Variants in VPS53 observed in about 807,000 individuals in gnomAD.
The protein encoded by VPS53 is VPS53 subunit of GARP complex, also known as vacuolar protein sorting-associated protein 53 homolog.
Under a neutral mutation model 107.0 loss-of-function variants are expected in VPS53, and 70 were observed. The observed-to-expected ratio is 0.65, with a 90% confidence interval of 0.54 to 0.80. The LOEUF (loss-of-function observed/expected upper bound fraction) is 0.80. Ranked by LOEUF, VPS53 falls within the 30% of genes least tolerant of loss-of-function variation. The pLI is 0.00. For synonymous variants in VPS53, 409 were observed against 393.3 expected (o/e 1.04, Z -0.47); for missense variants, 917 against 1,049.4 (o/e 0.87, Z 1.74).
At chr17:604,739 C>T (rs1052226282) in intron 11 of VPS53, among the ~76,000 whole-genome samples, 4 of 152,182 alleles carry the variant, frequency 2.6e-5, no homozygotes, top group African/African-American at 7.2e-5. Flanking sequence ...CCACCATGCC[C>T]GTCCTCTATT....
intron 4 of VPS53, among the ~76,000 whole-genome samples, chr17:693,452 T>C (rs1972842217): frequency 6.6e-6 from 1 of 152,138 alleles, no homozygotes; most frequent in South Asian, 2.1e-4. Flanking sequence ...TAATAATAAG[T>C]GTCTCATGCC....
At chr17:588,867 T>C (rs1247408503) in intron 12 of VPS53, among the ~76,000 whole-genome samples, 1 of 152,180 alleles carries the variant, frequency 6.6e-6, no homozygotes, top group Non-Finnish European at 1.5e-5. Flanking sequence ...AGGATGAGGA[T>C]TGTGAGGGGT....
intron 2 of VPS53, among the ~76,000 whole-genome samples, chr17:709,187 C>T (rs955933916): frequency 4.0e-5 from 5 of 126,068 alleles, no homozygotes; most frequent in Admixed American, 7.8e-5. Flanking sequence ...CGGCGCATCA[C>T]GCTCTGTCAC....
chr17:688,478 G>A (rs893451840), intron 4 of VPS53, among the ~76,000 whole-genome samples: 6 of 152,120 alleles, frequency 3.9e-5, no homozygotes, highest in African/African-American at 1.2e-4. Flanking sequence ...GTGTGAGAAC[G>A]GACTAATACA....
chr17:571,508 C>A (rs948472452), intron 13 of VPS53, among the ~76,000 whole-genome samples: 5 of 58,610 alleles, frequency 8.5e-5, no homozygotes, highest in Non-Finnish European at 1.6e-4. Context: ...CCTCTCCCTA[C>A]AGTCTCCCTC....
At chr17:714,000 G>GT (rs1973745302) in intron 1 of VPS53, 1 of 148,442 alleles carries the variant, frequency 6.7e-6, no homozygotes, top group African/African-American at 2.5e-5. Context: ...AGCCGAGATC[G>GT]TGCCGTTGCA....
chr17:522,436 C>T (rs1253252418), intron 19 of VPS53, among the ~76,000 whole-genome samples: 2 of 152,200 alleles, frequency 1.3e-5, no homozygotes, highest in African/African-American at 2.4e-5. Context: ...GGCCTCATGG[C>T]GAGACCCCAT....
At chr17:588,646 G>C (rs1296926074) in intron 12 of VPS53, among the ~76,000 whole-genome samples, 1 of 152,108 alleles carries the variant, frequency 6.6e-6, no homozygotes, top group East Asian at 1.9e-4. Context: ...TAGAAACTTT[G>C]GTCCTTCCTA....
intron 11 of VPS53, among the ~76,000 whole-genome samples, chr17:603,282 C>T (rs1189212841): frequency 3.3e-5 from 5 of 151,870 alleles, no homozygotes; most frequent in Admixed American, 6.6e-5. Context: ...AAATTAGCAG[C>T]GTGGTGGTAG....
chr17:530,563 A>G (rs995152350), intron 19 of VPS53, among the ~76,000 whole-genome samples: 9 of 152,174 alleles, frequency 5.9e-5, no homozygotes, highest in Admixed American at 4.6e-4. Context: ...TAATCTGTAT[A>G]TATTTTGTTT....
intron 13 of VPS53, among the ~76,000 whole-genome samples, chr17:576,976 A>C (rs1195009775): frequency 6.7e-6 from 1 of 150,306 alleles, no homozygotes; most frequent in Admixed American, 6.6e-5. Context: ...TCAGAACCTC[A>C]ATGACTTAGC....
intron 7 of VPS53, among the ~76,000 whole-genome samples, chr17:633,747 G>A (rs1385803519): frequency 6.6e-6 from 1 of 152,198 alleles, no homozygotes. Flanking sequence ...ATTGGAATCA[G>A]GGCCATACGT....
At chr17:581,113 C>A (rs1189966520) in intron 13 of VPS53, among the ~76,000 whole-genome samples, 1 of 151,638 alleles carries the variant, frequency 6.6e-6, no homozygotes, top group Non-Finnish European at 1.5e-5. Flanking sequence ...TCCCAGAGAA[C>A]CTCCCTCAGG....
chr17:674,493 T>A (rs950586866), intron 4 of VPS53: 1 of 152,252 alleles, frequency 6.6e-6, no homozygotes, highest in East Asian at 1.9e-4. Context: ...TTCATCTGTG[T>A]GATTTTTTTC....
chr17:628,031 A>C, intron 9 of VPS53, 57 bp downstream of exon 9: 1 of 1,539,246 alleles, frequency 6.5e-7, no homozygotes, highest in Non-Finnish European at 8.8e-7. Flanking sequence ...GCTTGACAGC[A>C]CTCATGTTTC....
chr17:573,106 G>A (rs2151868247), intron 13 of VPS53, among the ~76,000 whole-genome samples: 1 of 152,340 alleles, frequency 6.6e-6, no homozygotes, highest in Middle Eastern at 3.4e-3. Context: ...AGAAAAGCAT[G>A]AGTTCTAGTC....
intron 17 of VPS53, among the ~76,000 whole-genome samples, chr17:544,245 T>A (rs1911010376): frequency 6.6e-6 from 1 of 152,178 alleles, no homozygotes; most frequent in South Asian, 2.1e-4. Context: ...CATAATCATA[T>A]CAGCATGAAC....
intron 7 of VPS53, among the ~76,000 whole-genome samples, chr17:632,186 T>C (rs1423977738): frequency 6.6e-6 from 1 of 152,082 alleles, no homozygotes; most frequent in Non-Finnish European, 1.5e-5. Context: ...CTTTTGAAGA[T>C]ACACTGAGCT....
chr17:553,558 G>C (rs1912063061), intron 15 of VPS53, 96 bp from the exon 16 acceptor site: 5 of 917,046 alleles, frequency 5.5e-6, no homozygotes, highest in Non-Finnish European at 8.2e-6. Context: ...TGATGATTCA[G>C]GCATAATTCC....
Sources: gnomAD v4.1 joint callset for allele counts (sites outside exome capture counted in the v4.1 genomes callset) on GRCh38, gnomAD v4.1.1 for gene constraint, MANE v1.5 for transcripts, NCBI Gene and HGNC (gene_info 2026-07-23, HGNC 2026-07-21) for gene names.